ZNF730: variants seen among roughly 807,000 people sequenced by gnomAD.
The protein encoded by ZNF730 is zinc finger protein 730.
A neutral mutation model predicts 12.6 loss-of-function variants in ZNF730; 12 were observed. The ratio of observed to expected loss-of-function variants is 0.95; its 90% confidence interval spans 0.61 to 1.54. The LOEUF is 1.54. Among genes scored for constraint, ZNF730 ranks in the 40% most tolerant of loss-of-function variants. ZNF730 has a pLI of 0.00. For missense variants in ZNF730, 643 were observed against 583.5 expected, an observed-to-expected ratio of 1.10 and a Z score of -1.05; for synonymous variants, 194 against 195.8, an observed-to-expected ratio of 0.99 and a Z score of 0.08.
At chr19:23,099,442 A>C (rs926631569) in intron 1 of ZNF730, among the ~76,000 whole-genome samples, 2 of 152,232 alleles carry the variant, frequency 1.3e-5, no homozygotes, top group African/African-American at 2.4e-5. Context: ...ACCAGTCAAC[A>C]GTAGAGATTG....
chr19:23,117,574 T>C (rs559349476), intron 1 of ZNF730, among the ~76,000 whole-genome samples: 4 of 152,228 alleles, frequency 2.6e-5, no homozygotes, highest in Non-Finnish European at 5.9e-5. Flanking sequence ...TAAAAATTTA[T>C]GGGAGTCATC....
At chr19:23,080,808 G>A (rs2145437318) in intron 1 of ZNF730, among the ~76,000 whole-genome samples, 1 of 148,544 alleles carries the variant, frequency 6.7e-6, no homozygotes, top group East Asian at 2.0e-4. Flanking sequence ...TAAAGCCTTA[G>A]TTCATTTCTT....
intron 1 of ZNF730, chr19:23,128,203 C>T (rs2145636489): frequency 1.3e-6 from 1 of 778,696 alleles, no homozygotes; most frequent in East Asian, 2.5e-5. Flanking sequence ...CAGTACCAAA[C>T]AGTTCCCTGG....
In ZNF730 at chr19:23,134,186, A is replaced by G. The variant is rs186418778; in HGVS notation, c.110A>G (p.Tyr37Cys). ...NLYRNVMLDNYRNLVFLGIAV... is the reference protein window; with the variant it reads ...NLYRNVMLDNCRNLVFLGIAV... ...TATAGAAATGTAATGTTAGATAACT[A>G]CAGAAACCTGGTCTTCCTGGGTGAG... The change falls in exon 2 of 4, where the codon TAC becomes TGC. Residue 37 changes from tyrosine (Y) to cysteine (C), a missense_variant. Transcript: ENST00000597761. 703 of 1,610,158 alleles carry G rather than the reference A, an allele frequency of 4.4e-4. 1 individual carries two copies. The Middle Eastern group carries it at 5.1e-3, about 12-fold the overall frequency.
At chr19:23,089,191 T>C (rs1233703208) in intron 1 of ZNF730, among the ~76,000 whole-genome samples, 1 of 152,016 alleles carries the variant, frequency 6.6e-6, no homozygotes, top group South Asian at 2.1e-4. Flanking sequence ...TTTTTGTCTT[T>C]AGTTCTGTTA....
At chr19:23,078,841 T>C (rs1202049220) in intron 1 of ZNF730, among the ~76,000 whole-genome samples, 1 of 152,122 alleles carries the variant, frequency 6.6e-6, no homozygotes, top group African/African-American at 2.4e-5. Context: ...GTTTTGCTCT[T>C]GTGCCCAGAC....
chr19:23,134,745 T>C (rs1970802395), intron 2 of ZNF730, among the ~76,000 whole-genome samples: 1 of 140,762 alleles, frequency 7.1e-6, no homozygotes, highest in Admixed American at 7.0e-5. Flanking sequence ...TCATTGGGGA[T>C]GGGCCATGAT....
At position 23,079,112 on chromosome 19, in the gene ZNF730, A is replaced by G. The variant is rs115476520; in HGVS notation, c.-94+3725A>G. ...TGAGCCACTGTACCCGGCCCTATCT[A>G]TGTATTTTTAATCAATGTTGTCCCT... On this transcript the variant is annotated intron_variant, in intron 1 of 2. Transcript: ENST00000593635. Among the ~76,000 whole-genome samples, 877 of 151,046 alleles carry G rather than the reference A, an allele frequency of 5.8e-3. 7 individuals are homozygous for G. Among genetic ancestry groups the G allele is most frequent in the African/African-American group, 0.02 (826 of 41,156 alleles).
At chr19:23,134,991 C>CA (rs1352203569) in intron 2 of ZNF730, among the ~76,000 whole-genome samples, 1 of 97,582 alleles carries the variant, frequency 1.0e-5, no homozygotes, top group Non-Finnish European at 2.0e-5. Flanking sequence ...AAGGGCGGTG[C>CA]AAGATGTGCT....
At chr19:23,114,300 CT>C (rs11413226), upstream of ZNF730, among the ~76,000 whole-genome samples, 2 of 119,540 alleles carry the variant, frequency 1.7e-5, no homozygotes, top group Non-Finnish European at 3.3e-5. Flanking sequence ...TTTTCTTTTT[CT>C]TTTCTTTTTT....
intron 1 of ZNF730, among the ~76,000 whole-genome samples, chr19:23,093,905 C>T (rs1970200162): frequency 6.6e-6 from 1 of 152,216 alleles, no homozygotes; most frequent in African/African-American, 2.4e-5. Context: ...GTGCCTCTGC[C>T]AGTTGGCTTT....
intron 1 of ZNF730, chr19:23,128,043 G>T: frequency 1.3e-6 from 1 of 758,876 alleles, no homozygotes; most frequent in South Asian, 1.3e-5. Flanking sequence ...AAGTGGAGGT[G>T]ACTGGCAATG....
intron 1 of ZNF730, chr19:23,128,264 T>C: frequency 1.4e-6 from 1 of 704,458 alleles, no homozygotes; most frequent in South Asian, 1.4e-5. Flanking sequence ...CAGAAGTACA[T>C]CATAGGCCAG....
At chr19:23,127,353 G>A in intron 1 of ZNF730, 1 of 706,924 alleles carries the variant, frequency 1.4e-6, no homozygotes, top group Non-Finnish European at 2.6e-6. Context: ...ACATGACATA[G>A]GAACACTTCA....
intron 1 of ZNF730, among the ~76,000 whole-genome samples, chr19:23,103,954 G>T (rs920575858): frequency 6.6e-6 from 1 of 152,002 alleles, no homozygotes; most frequent in East Asian, 1.9e-4. Context: ...ACTTTCACAG[G>T]TGCTTTCAAA....
At chr19:23,136,480 C>G (rs1442658817) in intron 3 of ZNF730, among the ~76,000 whole-genome samples, 1 of 152,146 alleles carries the variant, frequency 6.6e-6, no homozygotes, top group African/African-American at 2.4e-5. Context: ...TCTCGGCTCA[C>G]TGCAACCTCT....
intron 3 of ZNF730, among the ~76,000 whole-genome samples, chr19:23,141,460 G>C (rs1344280347): frequency 6.6e-6 from 1 of 152,006 alleles, no homozygotes; most frequent in African/African-American, 2.4e-5. Flanking sequence ...CCAGCTACTT[G>C]GGAGATTAAG....
intron 3 of ZNF730, among the ~76,000 whole-genome samples, chr19:23,137,204 T>C (rs1310609437): frequency 6.6e-6 from 1 of 152,134 alleles, no homozygotes; most frequent in East Asian, 1.9e-4. Context: ...ACTGCAACAA[T>C]ATTTATTCTT....
intron 1 of ZNF730, among the ~76,000 whole-genome samples, chr19:23,102,973 C>T (rs1212686992): frequency 2.0e-5 from 3 of 152,132 alleles, no homozygotes; most frequent in East Asian, 1.9e-4. Context: ...GCCATTCCAG[C>T]GTTCAGAACA....
Sources: allele counts gnomAD v4.1 joint callset (sites outside exome capture counted in the v4.1 genomes callset), GRCh38; gene constraint gnomAD v4.1.1; transcripts MANE v1.5; gene names NCBI Gene and HGNC (gene_info 2026-07-23, HGNC 2026-07-21).